The following RBFOX3 variants were observed in gnomAD, a reference collection of about 807,000 sequenced individuals.
The protein encoded by RBFOX3 is RNA binding fox-1 homolog 3, also known as RNA binding protein fox-1 homolog 3.
A neutral mutation model predicts 48.7 loss-of-function variants in RBFOX3; 17 were observed. The ratio of observed to expected loss-of-function variants is 0.35; its 90% CI spans 0.24 to 0.52. The LOEUF is 0.52. Ranked by LOEUF, RBFOX3 falls within the 20% of genes least tolerant of loss-of-function variation. RBFOX3 has a pLI of 0.94. For missense variants in RBFOX3, 382 were observed against 497.5 expected, an observed-to-expected ratio of 0.77 and a Z score of 2.21; for synonymous variants, 212 against 209.5, an observed-to-expected ratio of 1.01 and a Z score of -0.10.
intron 2 of RBFOX3, among the ~76,000 whole-genome samples, chr17:79,308,031 G>A (rs1235884942): frequency 6.6e-6 from 1 of 152,212 alleles, no homozygotes; most frequent in African/African-American, 2.4e-5. Context: ...CACCTCATGG[G>A]TAGAAGATGC....
At chr17:79,138,051 G>T (rs916407297) in intron 4 of RBFOX3, among the ~76,000 whole-genome samples, 1 of 152,140 alleles carries the variant, frequency 6.6e-6, no homozygotes, top group Admixed American at 6.5e-5. Flanking sequence ...TCCGTCACAC[G>T]CCAGGCACAC....
chr17:79,188,455 G>A (rs893584710), intron 4 of RBFOX3, among the ~76,000 whole-genome samples: 3 of 152,220 alleles, frequency 2.0e-5, no homozygotes, highest in African/African-American at 4.8e-5. Flanking sequence ...GGGTCCATCC[G>A]TCTCACTTAC....
At chr17:79,458,138 C>T (rs1049862724) in intron 2 of RBFOX3, among the ~76,000 whole-genome samples, 49 of 152,192 alleles carry the variant, frequency 3.2e-4, no homozygotes, top group Admixed American at 5.9e-4. Context: ...GGGAGAGGTC[C>T]GTCTGCCAGG....
chr17:79,363,308 T>G lies in RBFOX3; in HGVS notation c.-174-55484A>C, dbSNP rs2057255937. Among the ~76,000 whole-genome samples, 1 of 151,904 alleles carries G rather than the reference T, an allele frequency of 6.6e-6. No individual in the cohort carries two copies. The highest frequency in any genetic ancestry group is 2.4e-5 in the African/African-American group (1 of 41,340). On this transcript the variant is annotated intron_variant, in intron 2 of 14. Transcript: ENST00000693108. This position sits in a 1 kb window ranked among gnomAD's most constrained non-coding sequence, Gnocchi z 4.7. ...ACCAGGGGACTCTTTAAAGGGCAAA[T>G]GCGCTGTGAATGGAGACTCTCTTGG...
intron 1 of RBFOX3, among the ~76,000 whole-genome samples, chr17:79,568,581 G>C (rs1252899987): frequency 6.6e-6 from 1 of 152,124 alleles, no homozygotes; most frequent in African/African-American, 2.4e-5. Flanking sequence ...ACTAAAGCTG[G>C]GGGTAATGCC....
intron 4 of RBFOX3, among the ~76,000 whole-genome samples, chr17:79,167,449 G>A (rs1207621410): frequency 6.7e-6 from 1 of 148,850 alleles, no homozygotes; most frequent in Non-Finnish European, 1.5e-5. Flanking sequence ...TGTCAGGGCT[G>A]TGGGTCCATG....
chr17:79,479,854 C>T lies in RBFOX3; in HGVS notation c.-175+2600G>A, dbSNP rs914715232. 2.6e-5 allele frequency among the ~76,000 whole-genome samples: 4 copies of T among 152,190 alleles called. No homozygotes were observed. Among genetic ancestry groups the T allele is most frequent in the African/African-American group, 7.2e-5 (3 of 41,436 alleles). The stretch of plus-strand genomic sequence containing the variant: ...CGTCACGGCCTGCAGGATGTCTGTA[C>T]GTCAGGGCCCTCCCCTAGGGACAGA... On this transcript the variant is annotated intron_variant, in intron 2 of 14. Coordinates refer to ENST00000693108, the MANE Select transcript of RBFOX3 (RefSeq NM_001350451.2). The surrounding 1 kb of genome is among the most constrained non-coding windows in gnomAD (Gnocchi z 5.1).
chr17:79,185,202 A>G (rs2053152576), intron 4 of RBFOX3, among the ~76,000 whole-genome samples: 2 of 152,220 alleles, frequency 1.3e-5, no homozygotes, highest in Non-Finnish European at 2.9e-5. Flanking sequence ...CTGGCCATCT[A>G]GCCGTGTGGT....
intron 2 of RBFOX3, among the ~76,000 whole-genome samples, chr17:79,323,482 C>T (rs868092300): frequency 6.6e-6 from 1 of 152,186 alleles, no homozygotes; most frequent in South Asian, 2.1e-4. Flanking sequence ...TTTTTAAGCC[C>T]CACCTTGCCA....
intron 2 of RBFOX3, among the ~76,000 whole-genome samples, chr17:79,464,149 A>G (rs2076004875): frequency 6.6e-6 from 1 of 152,240 alleles, no homozygotes; most frequent in Non-Finnish European, 1.5e-5. Flanking sequence ...AAGACGCAGG[A>G]GTGCACCAGC....
At chr17:79,189,851 G>A (rs1254782792) in intron 4 of RBFOX3, among the ~76,000 whole-genome samples, 2 of 152,252 alleles carry the variant, frequency 1.3e-5, no homozygotes, top group Non-Finnish European at 2.9e-5. Flanking sequence ...TTTGCTTGGA[G>A]ATGATGACTC....
intron 9 of RBFOX3, chr17:79,099,850 T>C (rs1163355106): frequency 6.6e-6 from 1 of 152,234 alleles, no homozygotes; most frequent in Admixed American, 6.5e-5. Flanking sequence ...GGGTTTGTTT[T>C]CTACAATGGA....
At chr17:79,296,245 T>A (rs1354484734) in intron 3 of RBFOX3, among the ~76,000 whole-genome samples, 1 of 150,416 alleles carries the variant, frequency 6.6e-6, no homozygotes, top group Non-Finnish European at 1.5e-5. Flanking sequence ...CAGCAAAAAA[T>A]TAAAAGAAAA....
intron 4 of RBFOX3, among the ~76,000 whole-genome samples, chr17:79,136,957 C>T (rs2040356175): frequency 6.6e-6 from 1 of 152,132 alleles, no homozygotes; most frequent in Non-Finnish European, 1.5e-5. Context: ...GGCGTGGGGA[C>T]AGCTTGTATG....
intron 9 of RBFOX3, chr17:79,099,225 G>A (rs2146382373): frequency 6.5e-6 from 1 of 152,678 alleles, no homozygotes. Flanking sequence ...CTGGGCTCAA[G>A]CGATCCTCCT....
chr17:79,155,905 G>T (rs1247878706), intron 4 of RBFOX3, among the ~76,000 whole-genome samples: 2 of 152,218 alleles, frequency 1.3e-5, no homozygotes, highest in African/African-American at 4.8e-5. Flanking sequence ...CGGGGCTCGG[G>T]TGTCAGGCCA....
intron 4 of RBFOX3, among the ~76,000 whole-genome samples, chr17:79,116,472 A>G (rs2033995124): frequency 6.6e-6 from 1 of 152,258 alleles, no homozygotes; most frequent in African/African-American, 2.4e-5. Context: ...CCAAAATCGC[A>G]CTATTGCGCT....
chr17:79,144,181 T>C (rs1715758818), intron 4 of RBFOX3, among the ~76,000 whole-genome samples: 1 of 152,136 alleles, frequency 6.6e-6, no homozygotes, highest in Admixed American at 6.5e-5. Context: ...TCCCCCTGCC[T>C]CTGAGCCAGG....
At chr17:79,290,784 T>C (rs1268399764) in intron 3 of RBFOX3, among the ~76,000 whole-genome samples, 1 of 152,242 alleles carries the variant, frequency 6.6e-6, no homozygotes, top group Non-Finnish European at 1.5e-5. Context: ...CTGGGTTTGC[T>C]GACTGGTGGC....
Sources: gnomAD v4.1 joint callset for allele counts (sites outside exome capture counted in the v4.1 genomes callset) on GRCh38, gnomAD v4.1.1 for gene constraint, Gnocchi (gnomAD v3.1) non-coding constraint, MANE v1.5 for transcripts, NCBI Gene and HGNC (gene_info 2026-07-23, HGNC 2026-07-21) for gene names.